The following PTPRK variants were observed in gnomAD, a reference collection of about 807,000 sequenced individuals.
PTPRK encodes receptor-type tyrosine-protein phosphatase kappa.
In PTPRK, 75 loss-of-function variants were observed where a neutral mutation model predicts 178.0. The ratio of observed to expected loss-of-function variants is 0.42; its 90% CI spans 0.35 to 0.51. The LOEUF is 0.51. PTPRK is among the 20% of genes least tolerant of loss of function. The pLI, the probability that PTPRK is intolerant of heterozygous loss-of-function variation, is 0.02. For synonymous variants in PTPRK, 637 were observed against 620.6 expected, an observed-to-expected ratio of 1.03 and a Z score of -0.39; for missense variants, 1,441 against 1,797.8, an observed-to-expected ratio of 0.80 and a Z score of 3.59.
chr6:128,077,360 T>G (rs770349743), intron 11 of PTPRK, among the ~76,000 whole-genome samples: 1 of 152,166 alleles, frequency 6.6e-6, no homozygotes, highest in Admixed American at 6.6e-5. Flanking sequence ...AGTGTTTATA[T>G]TACAAGTACA....
rs552970056 is a variant in PTPRK at position 128,315,994 on chromosome 6, A to G, written c.495+6045T>C. ...ACTAGACCAATTCCAATTAACTATC[A>G]AAGTCAGCAGACAACATAATTGAAG... On this transcript the variant is annotated intron_variant, in intron 3 of 29. Transcript: ENST00000368226. Among the ~76,000 whole-genome samples the G allele has an allele frequency of 6.6e-5, 10 of 152,326 alleles. No individual in the cohort carries two copies. In the South Asian group the frequency reaches 1.7e-3, roughly 25 times the overall value.
At chr6:128,126,372 T>C (rs1793378762) in intron 7 of PTPRK, among the ~76,000 whole-genome samples, 2 of 152,250 alleles carry the variant, frequency 1.3e-5, no homozygotes, top group Non-Finnish European at 2.9e-5. Context: ...TATACCACCA[T>C]TTCTTTATTC....
At chr6:128,245,683 G>A (rs184375951) in intron 3 of PTPRK, among the ~76,000 whole-genome samples, 47 of 152,202 alleles carry the variant, frequency 3.1e-4, no homozygotes, top group Admixed American at 1.1e-3. Flanking sequence ...AACACAGGAG[G>A]GTGTGCAATA....
chr6:127,972,961 A>T lies in PTPRK; in HGVS notation c.4269+61T>A, dbSNP rs530693438. On this transcript the variant is annotated intron_variant, in intron 29 of 29. Coordinates refer to ENST00000368226, the MANE Select transcript of PTPRK (RefSeq NM_002844.4). ...ATGTGTGTATGAAGTCAAATCAATAAGTAGGTATATGACTAACTAATCTCT... is the reference window on the plus strand; with the variant it reads ...ATGTGTGTATGAAGTCAAATCAATATGTAGGTATATGACTAACTAATCTCT... 25 of 1,512,152 alleles carry T rather than the reference A, an allele frequency of 1.7e-5. No homozygotes were observed. The African/African-American group carries it at 2.9e-4, about 17-fold the overall frequency. 93.7% of individuals were successfully genotyped at this position (1,512,152 alleles called of 1,614,324 possible). A position where few individuals can be genotyped will look rare whatever the true frequency, so the allele number is the denominator to read the frequency against.
chr6:128,217,257 T>C (rs1809495233), intron 6 of PTPRK, among the ~76,000 whole-genome samples: 1 of 152,208 alleles, frequency 6.6e-6, no homozygotes, highest in South Asian at 2.1e-4. Flanking sequence ...TAATTGAAAC[T>C]GGGATCTCAT....
chr6:128,512,239 A>G lies in PTPRK; in HGVS notation c.100+8020T>C, dbSNP rs140575580. Among the ~76,000 whole-genome samples, 938 of 152,320 alleles carry G rather than the reference A, an allele frequency of 6.2e-3. 16 individuals carry two copies. The highest frequency in any genetic ancestry group is 0.021 in the African/African-American group (884 of 41,578). On this transcript the variant is annotated intron_variant, in intron 1 of 29. Transcript: ENST00000368226. ...AGTACATATGGAAATACACTGATTT[A>G]CAGTTCATTAATTCAATAAATTATA... is the stretch of plus-strand genomic sequence containing the variant.
At chr6:128,193,079 G>A (rs546539018) in intron 6 of PTPRK, among the ~76,000 whole-genome samples, 119 of 151,856 alleles carry the variant, frequency 7.8e-4, no homozygotes, top group South Asian at 1.7e-3. Flanking sequence ...TAATTTTCAG[G>A]TGTTAACATT....
chr6:128,469,329 G>A (rs770542083), intron 1 of PTPRK, among the ~76,000 whole-genome samples: 1 of 152,024 alleles, frequency 6.6e-6, no homozygotes, highest in Non-Finnish European at 1.5e-5. Flanking sequence ...TGATGCACTC[G>A]GCTTCCAATA....
chr6:128,393,570 C>G (rs979254280), intron 2 of PTPRK, among the ~76,000 whole-genome samples: 2 of 151,994 alleles, frequency 1.3e-5, no homozygotes, highest in African/African-American at 4.8e-5. Flanking sequence ...TGAGAAGACA[C>G]AGTAAAAATG....
chr6:128,439,533 T>G (rs1047941801), intron 1 of PTPRK, among the ~76,000 whole-genome samples: 4 of 152,236 alleles, frequency 2.6e-5, no homozygotes, highest in African/African-American at 4.8e-5. Context: ...TCATGATTTC[T>G]GCTATGGTTT....
rs79565224 is a variant in PTPRK, at chr6:128,341,138, A to G, written c.224-18828T>C. On this transcript the variant is annotated intron_variant, in intron 2 of 29. Coordinates refer to ENST00000368226, the MANE Select transcript of PTPRK (RefSeq NM_002844.4). ...TGGTATGTGTTATTTGCCACATTTG[A>G]TTTTTTTTCTATATGTACTCTAAAA... 1.6e-4 allele frequency among the ~76,000 whole-genome samples: 24 copies of G among 151,940 alleles called. No individual in the cohort carries two copies. In the South Asian group the frequency reaches 2.1e-3, roughly 13 times the overall value.
intron 13 of PTPRK, among the ~76,000 whole-genome samples, chr6:128,017,221 TC>T (rs1220302424): frequency 6.6e-6 from 1 of 152,052 alleles, no homozygotes; most frequent in Admixed American, 6.6e-5. Context: ...CGTAAACGGA[TC>T]TTTGTTTAGT....
At chr6:128,408,127 C>T (rs1841903825) in intron 1 of PTPRK, among the ~76,000 whole-genome samples, 3 of 152,226 alleles carry the variant, frequency 2.0e-5, no homozygotes, top group Non-Finnish European at 2.9e-5. Flanking sequence ...GTGGCTCACG[C>T]CTGTAATCCC....
intron 2 of PTPRK, among the ~76,000 whole-genome samples, chr6:128,369,014 T>C (rs2128347460): frequency 6.6e-6 from 1 of 152,140 alleles, no homozygotes; most frequent in Non-Finnish European, 1.5e-5. Flanking sequence ...AACTACATAG[T>C]TGACTTAATT....
At chr6:128,183,718 C>T (rs1282892611) in intron 7 of PTPRK, among the ~76,000 whole-genome samples, 1 of 152,102 alleles carries the variant, frequency 6.6e-6, no homozygotes, top group Non-Finnish European at 1.5e-5. Flanking sequence ...TTTTTATTGG[C>T]TTTTAATTAA....
chr6:128,323,581 G>T (rs968634774), intron 2 of PTPRK, among the ~76,000 whole-genome samples: 2 of 152,066 alleles, frequency 1.3e-5, no homozygotes, highest in African/African-American at 4.8e-5. Context: ...AGTCTAACTT[G>T]TTCAATTAAC....
intron 1 of PTPRK, among the ~76,000 whole-genome samples, chr6:128,488,815 AG>A (rs1428113104): frequency 6.6e-6 from 1 of 152,184 alleles, no homozygotes; most frequent in Non-Finnish European, 1.5e-5. Context: ...TGAAATCTAA[AG>A]GGAATTCTTA....
intron 3 of PTPRK, among the ~76,000 whole-genome samples, chr6:128,277,023 G>C (rs554342744): frequency 8.6e-4 from 131 of 151,828 alleles, no homozygotes; most frequent in African/African-American, 3.0e-3. Context: ...CACTAGCTTA[G>C]AAAAGTTTTT....
chr6:128,017,517 T>C (rs1237141305), intron 13 of PTPRK, among the ~76,000 whole-genome samples: 4 of 151,610 alleles, frequency 2.6e-5, no homozygotes, highest in African/African-American at 4.8e-5. Flanking sequence ...CCAGTAGCTA[T>C]GAGGTGTCTC....
Sources: gnomAD v4.1 joint callset for allele counts (sites outside exome capture counted in the v4.1 genomes callset) on GRCh38, gnomAD v4.1.1 for gene constraint, MANE v1.5 for transcripts, NCBI Gene and HGNC (gene_info 2026-07-23, HGNC 2026-07-21) for gene names.